The following PLCH2 variants were observed in gnomAD, a reference collection of about 807,000 sequenced individuals.
PLCH2 encodes phospholipase C eta 2.
A neutral mutation model predicts 134.7 loss-of-function variants in PLCH2; 98 were observed. The ratio of observed to expected loss-of-function variants is 0.73; its 90% CI spans 0.62 to 0.86. PLCH2 has a LOEUF of 0.86. PLCH2 is among the 40% of genes least tolerant of loss of function. The pLI, the probability that PLCH2 is intolerant of heterozygous loss-of-function variation, is 0.00. For missense variants in PLCH2, 1,994 were observed against 1,986.6 expected, an observed-to-expected ratio of 1.00 and a Z score of -0.07; for synonymous variants, 974 against 827.5, an observed-to-expected ratio of 1.18 and a Z score of -3.04.
intron 2 of PLCH2, among the ~76,000 whole-genome samples, chr1:2,454,924 C>T (rs139459008): frequency 1.4e-3 from 218 of 152,242 alleles, no homozygotes; most frequent in South Asian, 0.012. Flanking sequence ...GTGGAGTGTG[C>T]GTCACCCCCA....
At chr1:2,480,874 C>T (rs761685375) in intron 4 of PLCH2, among the ~76,000 whole-genome samples, 109 of 152,236 alleles carry the variant, frequency 7.2e-4, no homozygotes, top group Non-Finnish European at 1.1e-3. Context: ...AAACTCTGCC[C>T]GTCAGCAGGT....
chr1:2,453,810 C>T (rs553466705), intron 2 of PLCH2, among the ~76,000 whole-genome samples: 12 of 152,342 alleles, frequency 7.9e-5, no homozygotes, highest in South Asian at 2.1e-4. Context: ...TGCCTGTCCC[C>T]GTCTCCCGGT....
At chr1:2,479,711 C>T (rs774618699) in intron 2 of PLCH2, 23 bp from the exon 3 acceptor site, 277 of 1,524,236 alleles carry the variant, frequency 1.8e-4, no homozygotes, top group Non-Finnish European at 2.3e-4. Context: ...GGACCTGACC[C>T]GTGCTCCCTC....
chr1:2,479,216 GCCT>G (rs1641811946), intron 2 of PLCH2: 1 of 165,808 alleles, frequency 6.0e-6, no homozygotes, highest in Non-Finnish European at 1.3e-5. Flanking sequence ...GCCAGGCAAG[GCCT>G]CAGCCCAGCA....
At chr1:2,435,520 C>T (rs908515104) in intron 2 of PLCH2, among the ~76,000 whole-genome samples, 25 of 151,978 alleles carry the variant, frequency 1.6e-4, no homozygotes, top group Admixed American at 1.4e-3. Flanking sequence ...GGATAGCAGG[C>T]GCAGGGGCCT....
At chr1:2,451,454 C>T (rs937257333) in intron 2 of PLCH2, among the ~76,000 whole-genome samples, 1 of 152,208 alleles carries the variant, frequency 6.6e-6, no homozygotes, top group Non-Finnish European at 1.5e-5. Context: ...ATCAGTGCTG[C>T]CCAGCTAACC....
chr1:2,417,671 G>C, the PLCH2 span, among the ~76,000 whole-genome samples: 2 of 152,186 alleles, frequency 1.3e-5, no homozygotes, highest in African/African-American at 4.8e-5. Context: ...GCCGGTGAGG[G>C]GCTGTGTGCT....
At position 2,444,187 on chromosome 1, in the gene PLCH2, G is replaced by A. The variant is rs1557952064; in HGVS notation, c.115+13558G>A. Reference sequence around the variant, plus strand: ...TTGAGCTCTCCGGATGGCCTCAGGTGCGGGGTGAGGGATCTGGGGGCCGCC... The same window carrying A: ...TTGAGCTCTCCGGATGGCCTCAGGTACGGGGTGAGGGATCTGGGGGCCGCC... On this transcript the variant is annotated intron_variant, in intron 2 of 3. Coordinates refer to the PLCH2 transcript ENST00000609981. The surrounding 1 kb of genome is among the most constrained non-coding windows in gnomAD (Gnocchi z 4.6). Among the ~76,000 whole-genome samples the A allele has an allele frequency of 6.6e-6, 1 of 152,200 alleles. No homozygotes were observed. Among genetic ancestry groups the A allele is most frequent in the Non-Finnish European group, 1.5e-5 (1 of 68,022 alleles).
In PLCH2 at chr1:2,505,499, A is replaced by G. The variant is rs1570520805; in HGVS notation, c.*286A>G. On this transcript the variant is annotated 3_prime_UTR_variant, in exon 22 of 22. Transcript: ENST00000378486. ...ATTTAAATTTTTAGAAGCAAAACTT[A>G]TACAACATTAAAATGATACCAAGTC... 2.1e-6 allele frequency: 1 copy of G among 484,704 alleles called. No homozygotes were observed. The highest frequency in any genetic ancestry group is 3.6e-6 in the Non-Finnish European group (1 of 275,708). The allele number at this position is 484,704 out of a possible 1,614,324, so 30.0% of individuals were successfully genotyped here.
rs2494438 is a variant in PLCH2 at position 2,432,170 on chromosome 1, G to A, written c.115+1541G>A. ...CCAGGCCCCACTCTGCAGATGAGGC[G>A]GTGAGGACCCCACAATGCTGGGGCT... On this transcript the variant is annotated intron_variant, in intron 2 of 3. Coordinates refer to the PLCH2 transcript ENST00000609981. 7.0e-3 allele frequency among the ~76,000 whole-genome samples: 1,072 copies of A among 152,356 alleles called. 15 individuals carry two copies. The highest frequency in any genetic ancestry group is 0.024 in the African/African-American group (1,006 of 41,574).
chr1:2,436,510 CCTT>C (rs1337085441), intron 2 of PLCH2, among the ~76,000 whole-genome samples: 6 of 51,852 alleles, frequency 1.2e-4, no homozygotes, highest in African/African-American at 8.0e-4. Flanking sequence ...CTCCTTTCCT[CCTT>C]CCTCCCTCCT....
At chr1:2,433,885 G>A (rs1287999694) in intron 2 of PLCH2, among the ~76,000 whole-genome samples, 3 of 152,202 alleles carry the variant, frequency 2.0e-5, no homozygotes, top group Admixed American at 6.5e-5. Context: ...TGGGGGTCCC[G>A]GGTGATGTTG....
At chr1:2,492,868 C>G (rs141895666) in intron 11 of PLCH2, among the ~76,000 whole-genome samples, 1 of 152,094 alleles carries the variant, frequency 6.6e-6, no homozygotes, top group Non-Finnish European at 1.5e-5. Flanking sequence ...CCCTGAGGCC[C>G]GGGGGCAGCA....
rs952549888 is a variant in PLCH2 at position 2,495,699 on chromosome 1, G to T, written c.1835+129G>T. ...AGGACCTACCCCCTTCTTGGCCCCT[G>T]GAAGCAGTGAAGTGGTAGGGAGTGT... On this transcript the variant is annotated intron_variant, in intron 13 of 21. Transcript: ENST00000378486. 1.7e-5 allele frequency: 11 copies of T among 636,914 alleles called. No individual in the cohort carries two copies. In the East Asian group the frequency reaches 3.4e-4, roughly 20 times the overall value. 39.5% of individuals were successfully genotyped at this position (636,914 alleles called of 1,614,324 possible).
upstream of PLCH2, among the ~76,000 whole-genome samples, chr1:2,421,537 G>A (rs1638514557): frequency 6.6e-6 from 1 of 152,184 alleles, no homozygotes; most frequent in African/African-American, 2.4e-5. Context: ...TGCAGTCTGT[G>A]TGTGTCTGTC....
intron 2 of PLCH2, chr1:2,479,023 C>T (rs932413948): frequency 2.9e-5 from 6 of 210,234 alleles, no homozygotes; most frequent in Admixed American, 1.6e-4. Flanking sequence ...GGCATGGCTG[C>T]TGGAGGGAGC....
chr1:2,479,712 G>T, intron 2 of PLCH2, 22 bp from the exon 3 acceptor site: 4 of 1,524,662 alleles, frequency 2.6e-6, no homozygotes, highest in Non-Finnish European at 3.5e-6. Context: ...GACCTGACCC[G>T]TGCTCCCTCC....
At chr1:2,458,388 C>T (rs1011988561) in intron 2 of PLCH2, among the ~76,000 whole-genome samples, 1 of 152,190 alleles carries the variant, frequency 6.6e-6, no homozygotes. Flanking sequence ...ACAGCAGGAG[C>T]CCTCAGCCGG....
chr1:2,425,032 G>C (rs1040560013), upstream of PLCH2, among the ~76,000 whole-genome samples: 3 of 151,816 alleles, frequency 2.0e-5, no homozygotes, highest in African/African-American at 7.3e-5. Context: ...GCGTGGTGGC[G>C]GCCACCTGTA....
Sources: gnomAD v4.1 joint callset for allele counts (sites outside exome capture counted in the v4.1 genomes callset) on GRCh38, gnomAD v4.1.1 for gene constraint, Gnocchi (gnomAD v3.1) non-coding constraint, MANE v1.5 for transcripts, NCBI Gene and HGNC (gene_info 2026-07-23, HGNC 2026-07-21) for gene names.